USP9X: variants seen among roughly 807,000 people sequenced by gnomAD.
USP9X encodes the protein ubiquitin specific peptidase 9 X-linked, also known as ubiquitin carboxyl-terminal hydrolase 9X.
A neutral mutation model predicts 190.3 loss-of-function variants in USP9X; 7 were observed. The ratio of observed to expected loss-of-function variants is 0.04; its 90% CI spans 0.02 to 0.07. The LOEUF is 0.07. Ranked by LOEUF, USP9X falls within the 10% of genes least tolerant of loss-of-function variation. The pLI is 1.00. For synonymous variants in USP9X, 645 were observed against 659.5 expected (o/e 0.98, Z 0.34); for missense variants, 1,010 against 1,916.9 (o/e 0.53, Z 8.83).
rs750666706 is a variant in USP9X, at chrX:41,151,013, T to C, written c.1719T>C (p.Ile573=). Residue 573 remains isoleucine (I), a synonymous_variant, in exon 13 of 45, where the codon ATT becomes ATC. Coordinates refer to ENST00000378308, the MANE Select transcript of USP9X (RefSeq NM_001039591.3). ...GGGTTATTCCCGCACTGAAACAAAT[T>C]AGAGAAATTTGTAGTTTGTTTGGTG... The part of the protein sequence containing the change: ...DKWVIPALKQ[I]REICSLFGEA... 2.5e-6 allele frequency: 3 copies of C among 1,206,427 alleles called. No homozygotes were observed. The highest frequency in any genetic ancestry group is 1.7e-5 in the African/African-American group (1 of 57,677).
chrX:41,102,175 AACTT>A (rs1277261103), intron 1 of USP9X, among the ~76,000 whole-genome samples: 11 of 112,160 alleles, frequency 9.8e-5, no homozygotes, highest in African/African-American at 3.6e-4. Context: ...TATTTTAAAA[AACTT>A]AAATATAATT....
chrX:41,136,725 C>T (rs1022292528), intron 5 of USP9X, 79 bp from the exon 6 acceptor site: 78 of 687,151 alleles, frequency 1.1e-4, no homozygotes, highest in Middle Eastern at 3.7e-4. Flanking sequence ...TGTTAGGATA[C>T]GATTAATATT....
rs60716097 is a variant in USP9X at position 41,191,329 on chromosome X, CAA to C, written c.3977+1873_3977+1874del. Among the ~76,000 whole-genome samples the C allele has an allele frequency of 2.5e-3, 166 of 65,624 alleles. 2 individuals are homozygous for C. The Middle Eastern group carries it at 0.027, about 11-fold the overall frequency. The allele number at this position is 65,624 out of a possible 115,157, so 57.0% of individuals were successfully genotyped here. A position where few individuals can be genotyped will look rare whatever the true frequency, so the allele number is the denominator to read the frequency against. ...GGGCAATAAGAGTGAAACTCCATGT[CAA>C]AAAAAAAAAAAAAAAAAATTGAATC... On this transcript the variant is annotated intron_variant, in intron 26 of 44. Coordinates refer to ENST00000378308, the MANE Select transcript of USP9X (RefSeq NM_001039591.3).
intron 1 of USP9X, among the ~76,000 whole-genome samples, chrX:41,119,804 T>A (rs1214566234): frequency 8.9e-6 from 1 of 112,541 alleles, no homozygotes; most frequent in Non-Finnish European, 1.9e-5. Context: ...CACTCCAGCC[T>A]GGGTGACAGA....
chrX:41,165,792 G>T, intron 15 of USP9X, 80 bp from the exon 16 acceptor site: 1 of 747,516 alleles, frequency 1.3e-6, no homozygotes, highest in Non-Finnish European at 1.9e-6. Context: ...GGTGATAAAT[G>T]TATTTTATAG....
intron 4 of USP9X, among the ~76,000 whole-genome samples, chrX:41,131,810 AG>A (rs1482876433): frequency 9.0e-6 from 1 of 111,717 alleles, no homozygotes; most frequent in Non-Finnish European, 1.9e-5. Context: ...TTTTTAATTG[AG>A]GGTCTTATCT....
At chrX:41,215,059 G>A in intron 34 of USP9X, among the ~76,000 whole-genome samples, 1 of 111,600 alleles carries the variant, frequency 9.0e-6, no homozygotes, top group South Asian at 3.9e-4. Context: ...AGCTGATAGA[G>A]GAAAACATTT....
chrX:41,232,237 G>GTTTTTTTTTTTTTTTTTT, intron 44 of USP9X, 150 bp from the exon 45 acceptor site: 1 of 592,010 alleles, frequency 1.7e-6, no homozygotes, highest in Non-Finnish European at 2.4e-6. Flanking sequence ...TTTTGTTTTT[G>GTTTTTTTTTTTTTTTTTT]TTTTTGTTTT....
At chrX:41,096,097 T>G (rs773296931) in intron 1 of USP9X, among the ~76,000 whole-genome samples, 1 of 112,230 alleles carries the variant, frequency 8.9e-6, no homozygotes, top group East Asian at 2.8e-4. Context: ...TGAGGTCTGT[T>G]GAAAGGTCAT....
intron 20 of USP9X, among the ~76,000 whole-genome samples, chrX:41,170,827 A>G (rs938371467): frequency 1.8e-5 from 2 of 112,020 alleles, no homozygotes; most frequent in African/African-American, 6.5e-5. Context: ...CCCCATAGGT[A>G]TAGTATTGTT....
chrX:41,152,271 G>T (rs748721602), intron 13 of USP9X, among the ~76,000 whole-genome samples: 2 of 111,872 alleles, frequency 1.8e-5, no homozygotes, highest in Non-Finnish European at 3.8e-5. Flanking sequence ...TTGGCTCATC[G>T]TACATATTTC....
intron 1 of USP9X, among the ~76,000 whole-genome samples, chrX:41,111,899 G>GC (rs1329996173): frequency 9.5e-6 from 1 of 105,452 alleles, no homozygotes; most frequent in Non-Finnish European, 1.9e-5. Context: ...AGGCTGGAGT[G>GC]CGGTGGCACA....
rs749779088 is a variant in USP9X, at chrX:41,137,003, C to T, written c.635C>T (p.Pro212Leu). 8.3e-7 allele frequency: 1 copy of T among 1,210,970 alleles called. No homozygotes were observed. The change falls in exon 6 of 45, where the codon CCA (proline) becomes CTA (leucine). Residue 212 changes from proline to leucine, a missense_variant. Coordinates refer to ENST00000378308, the MANE Select transcript of USP9X (RefSeq NM_001039591.3). Reference sequence around the variant, plus strand: ...GAAGATGAACTCTTTGCTCGTTCTCCAGATCCTCGATCACCAAAGGTGTGT... The same window carrying T: ...GAAGATGAACTCTTTGCTCGTTCTCTAGATCCTCGATCACCAAAGGTGTGT... Reference protein sequence around the residue: ...LPEDELFARSPDPRSPKGWLV... With the variant: ...LPEDELFARSLDPRSPKGWLV...
In USP9X at chrX:41,199,616, A is replaced by G. The variant is rs757232926; in HGVS notation, c.4603+866A>G. ...GGCTAATATTGTATTTTTAGTAGAG[A>G]TAGGGTTTCACCATGTTGGCCAGGC... On this transcript the variant is annotated intron_variant, in intron 30 of 44. Transcript: ENST00000378308. Among the ~76,000 whole-genome samples the G allele has an allele frequency of 5.4e-5, 6 of 110,783 alleles. No individual in the cohort carries two copies. In the South Asian group the frequency reaches 1.9e-3, roughly 35 times the overall value.
rs759473164 is a variant in USP9X, at chrX:41,201,207, G to T, written c.4751G>T (p.Gly1584Val). 1.4e-5 allele frequency: 17 copies of T among 1,209,788 alleles called. No individual in the cohort carries two copies. Among genetic ancestry groups the T allele is most frequent in the Non-Finnish European group, 1.1e-6 (1 of 895,177 alleles). ...QLYMIPSIRN[G>V]ILAIEGTGSD... The stretch of plus-strand genomic sequence containing the variant: ...TACATGATTCCTTCCATTAGGAACG[G>T]TATTCTTGCCATTGAAGGCACAGGT... The change falls in exon 31 of 45, where the codon GGT becomes GTT. Residue 1584 changes from glycine to valine, a missense_variant. By Grantham distance (109) the Gly-to-Val change is moderately radical. This residue lies in a region of USP9X where 120 missense variants were observed against 342.7 expected (regional missense o/e 0.35). Coordinates refer to ENST00000378308, the MANE Select transcript of USP9X (RefSeq NM_001039591.3).
At chrX:41,210,480 T>C (rs749361844) in intron 32 of USP9X, 29 bp from the exon 33 acceptor site, 1 of 1,195,827 alleles carries the variant, frequency 8.4e-7, no homozygotes, top group African/African-American at 1.8e-5. Flanking sequence ...ATGTTACATG[T>C]TACATGTTTT....
At chrX:41,171,761 A>G (rs1470420490) in intron 20 of USP9X, 77 bp from the exon 21 acceptor site, 1 of 1,101,133 alleles carries the variant, frequency 9.1e-7, no homozygotes, top group African/African-American at 1.8e-5. Context: ...GGATTAACAC[A>G]GAGAAACTTA....
At chrX:41,209,045 G>A (rs1305009971) in intron 32 of USP9X, among the ~76,000 whole-genome samples, 4 of 111,464 alleles carry the variant, frequency 3.6e-5, no homozygotes, top group South Asian at 7.4e-4. Flanking sequence ...CAAACAGGAC[G>A]CTTCACCCCT....
At chrX:41,127,094 G>T in intron 2 of USP9X, among the ~76,000 whole-genome samples, 1 of 111,116 alleles carries the variant, frequency 9.0e-6, no homozygotes, top group African/African-American at 3.3e-5. Context: ...TGTTTATACT[G>T]TTCTAGTAAT....
Sources: gnomAD v4.1 joint callset for allele counts (sites outside exome capture counted in the v4.1 genomes callset) on GRCh38, gnomAD v4.1.1 for gene constraint, gnomAD v4.1.1 regional missense constraint, MANE v1.5 for transcripts, NCBI Gene and HGNC (gene_info 2026-07-23, HGNC 2026-07-21) for gene names.